Variants in PECR observed in about 807,000 individuals in gnomAD.
The protein encoded by PECR is 2,4-dienoyl-CoA reductase-related protein.
Under a neutral mutation model 35.3 loss-of-function variants are expected in PECR, and 30 were observed. The observed-to-expected ratio is 0.85, with a 90% CI of 0.64 to 1.15. The LOEUF (loss-of-function observed/expected upper bound fraction) is 1.15, where lower values mean the gene tolerates loss of function less well. Ranked by LOEUF, PECR falls within the 50% of genes most tolerant of loss-of-function variation. The pLI, the probability that PECR is intolerant of heterozygous loss-of-function variation, is 0.00. For missense variants in PECR, 392 were observed against 370.8 expected, an observed-to-expected ratio of 1.06 and a Z score of -0.47; for synonymous variants, 148 against 138.9, an observed-to-expected ratio of 1.07 and a Z score of -0.46.
rs1268168612 is a variant in PECR at position 216,058,974 on chromosome 2, A to C, written c.427T>G (p.Tyr143Asp). 2.5e-6 allele frequency: 4 copies of C among 1,595,700 alleles called. No homozygotes were observed. The highest frequency in any genetic ancestry group is 2.6e-6 in the Non-Finnish European group (3 of 1,163,638). ...CCATGCTCTTTCATCCAGGAGCTGT[A>C]AACTGCAGGATAGAGGCAAACTCAA... ...TGTFYMCKAV[Y>D]SSWMKEHGGS... Residue 143 changes from tyrosine (Y) to aspartate (D), a missense_variant and splice_region_variant, in exon 4 of 8, where the codon TAC becomes GAC. Transcript: ENST00000265322.
chr2:216,043,489 C>A (rs185244151), intron 7 of PECR, among the ~76,000 whole-genome samples: 25 of 152,156 alleles, frequency 1.6e-4, no homozygotes, highest in Non-Finnish European at 1.0e-4. Context: ...TCAAAGAGAG[C>A]ACAAAATAGC....
At position 216,064,557 on chromosome 2, in the gene PECR, T is replaced by G. The variant is rs565908474; in HGVS notation, c.424+755A>C. On this transcript the variant is annotated intron_variant, in intron 3 of 7. Coordinates refer to ENST00000265322, the MANE Select transcript of PECR (RefSeq NM_018441.6). ...TGATTATGAAACTACCATATAATCCTTACACTACCTACCTGGACTTTTTAT... is the reference window on the plus strand; with the variant it reads ...TGATTATGAAACTACCATATAATCCGTACACTACCTACCTGGACTTTTTAT... Among the ~76,000 whole-genome samples the G allele has an allele frequency of 3.2e-4, 48 of 152,336 alleles. 2 individuals are homozygous for G. The South Asian group carries it at 9.7e-3, about 31-fold the overall frequency.
At chr2:216,035,619 TG>T (rs1438907566), downstream of PECR, among the ~76,000 whole-genome samples, 2 of 152,150 alleles carry the variant, frequency 1.3e-5, no homozygotes, top group East Asian at 3.9e-4. Flanking sequence ...CACTAGTAGC[TG>T]GGACTACAGA....
intron 7 of PECR, among the ~76,000 whole-genome samples, chr2:216,042,960 T>G (rs1574676201): frequency 8.5e-6 from 1 of 117,722 alleles, no homozygotes; most frequent in Non-Finnish European, 1.8e-5. Flanking sequence ...TGTATATATA[T>G]ATACACATAC....
At position 216,073,197 on chromosome 2, in the gene PECR, A is replaced by C. The variant is rs996828229; in HGVS notation, c.125-6679T>G. On this transcript the variant is annotated intron_variant, in intron 1 of 7. Transcript: ENST00000265322. ...TACGTTATACTGTTAGGAGAAGCTTACTCCTTTCTCCTTTTGTTTCCAGGA... is the reference window on the plus strand; with the variant it reads ...TACGTTATACTGTTAGGAGAAGCTTCCTCCTTTCTCCTTTTGTTTCCAGGA... Among the ~76,000 whole-genome samples, 2 of 152,120 alleles carry C rather than the reference A, an allele frequency of 1.3e-5. 1 individual carries two copies. The highest frequency in any genetic ancestry group is 1.3e-4 in the Admixed American group (2 of 15,266).
chr2:216,073,794 G>A (rs573028917), intron 1 of PECR, among the ~76,000 whole-genome samples: 1 of 152,224 alleles, frequency 6.6e-6, no homozygotes, highest in East Asian at 1.9e-4. Flanking sequence ...GAAGCAATAG[G>A]CTATTGACCA....
chr2:216,031,043 G>T (rs1694680697), intron 7 of PECR, among the ~76,000 whole-genome samples: 1 of 150,180 alleles, frequency 6.7e-6, no homozygotes, highest in Non-Finnish European at 1.5e-5. Flanking sequence ...CAAAACATCT[G>T]CTCTGTATCT....
intron 7 of PECR, among the ~76,000 whole-genome samples, chr2:216,032,136 CTT>C (rs1374348480): frequency 4.6e-5 from 7 of 152,144 alleles, no homozygotes. Flanking sequence ...AGAAATGACT[CTT>C]TTTCTTCAAA....
rs561584912 is a variant in PECR at position 216,061,186 on chromosome 2, T to C, written c.425-2210A>G. Among the ~76,000 whole-genome samples the C allele has an allele frequency of 2.2e-5, 3 of 138,528 alleles. No individual in the cohort carries two copies. In the South Asian group the frequency reaches 7.0e-4, roughly 32 times the overall value. 90.9% of individuals were successfully genotyped at this position (138,528 alleles called of 152,430 possible). ...CTGAGCATGGTGGTTAGTAGCCTAGTATGCACCTGTACCTCCAGCTACTCA... is the reference window on the plus strand; with the variant it reads ...CTGAGCATGGTGGTTAGTAGCCTAGCATGCACCTGTACCTCCAGCTACTCA... On this transcript the variant is annotated intron_variant, in intron 3 of 7. Coordinates refer to ENST00000265322, the MANE Select transcript of PECR (RefSeq NM_018441.6).
chr2:216,072,385 C>A (rs1695608034), intron 1 of PECR, among the ~76,000 whole-genome samples: 1 of 152,150 alleles, frequency 6.6e-6, no homozygotes, highest in African/African-American at 2.4e-5. Context: ...AAATAAGGCA[C>A]TTTATTTTAT....
chr2:216,032,599 A>T (rs560569810), intron 7 of PECR, among the ~76,000 whole-genome samples: 24 of 152,250 alleles, frequency 1.6e-4, no homozygotes, highest in Admixed American at 1.4e-3. Flanking sequence ...CATATATTCT[A>T]TTTGGGACCT....
intron 1 of PECR, among the ~76,000 whole-genome samples, chr2:216,080,605 G>T (rs1461956520): frequency 6.6e-6 from 1 of 152,142 alleles, no homozygotes; most frequent in East Asian, 1.9e-4. Flanking sequence ...TTGCCTTCCA[G>T]AAAGTTTGTA....
At chr2:216,081,554 C>CCCGT (rs1695851692) in intron 1 of PECR, 64 bp downstream of exon 1, 1 of 1,605,570 alleles carries the variant, frequency 6.2e-7, no homozygotes, top group African/African-American at 1.3e-5. Flanking sequence ...GCTCCTGGCT[C>CCCGT]CCGTCTCCAG....
rs536870220 is a variant in PECR, at chr2:216,071,183, T to C, written c.125-4665A>G. On this transcript the variant is annotated intron_variant, in intron 1 of 7. Transcript: ENST00000265322. Reference sequence around the variant, plus strand: ...CCTTGAGGGCACCCACACAGTTTGTTCATCTCCTGCAAAAACGCAAGCGTA... The same window carrying C: ...CCTTGAGGGCACCCACACAGTTTGTCCATCTCCTGCAAAAACGCAAGCGTA... 3.9e-5 allele frequency among the ~76,000 whole-genome samples: 6 copies of C among 152,322 alleles called. No homozygotes were observed. The South Asian group carries it at 1.2e-3, about 32-fold the overall frequency.
intron 3 of PECR, among the ~76,000 whole-genome samples, chr2:216,063,011 A>C (rs1005567334): frequency 2.0e-5 from 3 of 152,194 alleles, no homozygotes; most frequent in South Asian, 2.1e-4. Flanking sequence ...CTCAGAACAA[A>C]TCCCTGTTGT....
At chr2:216,081,196 C>G (rs1043679571) in intron 1 of PECR, among the ~76,000 whole-genome samples, 1 of 152,170 alleles carries the variant, frequency 6.6e-6, no homozygotes, top group Non-Finnish European at 1.5e-5. Context: ...TATTTCCTTG[C>G]TGTGGTTAAG....
At chr2:216,038,324 A>G (rs1288333685), downstream of PECR, 1 of 152,176 alleles carries the variant, frequency 6.6e-6, no homozygotes. Flanking sequence ...ACAAAAGGAG[A>G]TACATGGAAA....
intron 4 of PECR, among the ~76,000 whole-genome samples, chr2:216,052,639 A>G (rs191479373): frequency 6.6e-4 from 100 of 152,300 alleles, no homozygotes; most frequent in South Asian, 4.1e-4. Flanking sequence ...CTTTCTCTTT[A>G]GCACTGGTTC....
intron 4 of PECR, among the ~76,000 whole-genome samples, chr2:216,053,370 A>G (rs537124990): frequency 4.1e-4 from 62 of 151,972 alleles, no homozygotes; most frequent in African/African-American, 1.4e-3. Flanking sequence ...CAGCCTCCCG[A>G]GTAGCTGGGA....
Sources: allele counts gnomAD v4.1 joint callset (sites outside exome capture counted in the v4.1 genomes callset), GRCh38; gene constraint gnomAD v4.1.1; transcripts MANE v1.5; gene names NCBI Gene and HGNC (gene_info 2026-07-23, HGNC 2026-07-21).